The following DENND4A variants were observed in gnomAD, a reference collection of about 807,000 sequenced individuals.
DENND4A encodes the protein DENN domain containing 4A.
In DENND4A, 70 loss-of-function variants were observed where a neutral mutation model predicts 199.3. That is an observed-to-expected ratio of 0.35 (90% CI 0.29 to 0.43). DENND4A has a LOEUF of 0.43. Ranked by LOEUF, DENND4A falls within the 20% of genes least tolerant of loss-of-function variation. DENND4A has a pLI of 1.00. For synonymous variants in DENND4A, 686 were observed against 766.9 expected (o/e 0.89, Z 1.74); for missense variants, 1,723 against 2,255.8 (o/e 0.76, Z 4.78).
chr15:65,709,817 T>G (rs2075191399), intron 14 of DENND4A, among the ~76,000 whole-genome samples: 1 of 150,292 alleles, frequency 6.7e-6, no homozygotes, highest in African/African-American at 2.4e-5. Context: ...TATGTTTTAA[T>G]GCATTAATTT....
intron 7 of DENND4A, among the ~76,000 whole-genome samples, chr15:65,733,102 T>C (rs2076009296): frequency 6.6e-6 from 1 of 152,242 alleles, no homozygotes; most frequent in South Asian, 2.1e-4. Flanking sequence ...GTATGCAATA[T>C]ATCAGTGATG....
intron 4 of DENND4A, among the ~76,000 whole-genome samples, chr15:65,749,248 C>A (rs531947744): frequency 1.3e-5 from 2 of 152,260 alleles, no homozygotes; most frequent in Non-Finnish European, 2.9e-5. Flanking sequence ...GAGTTTGGTT[C>A]TGGAGTTCTG....
intron 16 of DENND4A, 41 bp downstream of exon 16, chr15:65,702,832 T>C (rs1235315772): frequency 6.4e-7 from 1 of 1,558,810 alleles, no homozygotes; most frequent in African/African-American, 1.4e-5. Flanking sequence ...AATTTATTTC[T>C]TGTTCTAAAA....
intron 1 of DENND4A, among the ~76,000 whole-genome samples, chr15:65,767,665 G>C (rs984118157): frequency 2.0e-5 from 3 of 152,128 alleles, no homozygotes; most frequent in Non-Finnish European, 4.4e-5. Context: ...GGGATGGTCA[G>C]AAGTAAAAGA....
intron 1 of DENND4A, among the ~76,000 whole-genome samples, chr15:65,770,398 C>T (rs1278272657): frequency 6.6e-6 from 1 of 152,134 alleles, no homozygotes; most frequent in African/African-American, 2.4e-5. Context: ...AATGACATAA[C>T]TGCACTTTAC....
At chr15:65,677,364 C>T (rs965495053) in intron 23 of DENND4A, among the ~76,000 whole-genome samples, 4 of 152,214 alleles carry the variant, frequency 2.6e-5, no homozygotes, top group East Asian at 1.9e-4. Flanking sequence ...TGTGCACCAC[C>T]GTGCCTGGCT....
chr15:65,706,243 C>T lies in DENND4A; in HGVS notation c.1954-19G>A. ...TATCCACCTAAAGGAGTTTTAAAAA[C>T]ATATATTAAAAAAGCCACATTGGTT... On this transcript the variant is annotated intron_variant, in intron 14 of 32. Coordinates refer to ENST00000443035, the MANE Select transcript of DENND4A (RefSeq NM_001320835.1). 1.4e-6 allele frequency: 2 copies of T among 1,472,260 alleles called. No individual in the cohort carries two copies. The highest frequency in any genetic ancestry group is 2.9e-5 in the South Asian group (2 of 70,030). The allele number at this position is 1,472,260 out of a possible 1,614,324, so 91.2% of individuals were successfully genotyped here.
In DENND4A at chr15:65,701,069, A is replaced by G. The variant is rs772264093; in HGVS notation, c.2683T>C (p.Ser895Pro). The change falls in exon 19 of 33, where the codon TCA becomes CCA. Residue 895 changes from serine (S) to proline (P), a missense_variant. Around this residue, in one of 6 missense-constraint regions of DENND4A, gnomAD observed 650 missense variants for 738.1 expected, o/e 0.88. Coordinates refer to ENST00000443035, the MANE Select transcript of DENND4A (RefSeq NM_001320835.1). ...KRALKKHAHL[S>P]QTTLSADGSD... ...CCCTTACCTGAGAGAGTTGTTTGTG[A>G]TAAGTGTGCATGCTTCTTTAAAGCT... The G allele has an allele frequency of 2.4e-5, 38 of 1,607,154 alleles. 1 individual carries two copies. The highest frequency in any genetic ancestry group is 4.5e-5 in the South Asian group (4 of 88,840).
intron 2 of DENND4A, among the ~76,000 whole-genome samples, chr15:65,758,193 T>C (rs1240596087): frequency 1.3e-5 from 2 of 152,128 alleles, no homozygotes; most frequent in Admixed American, 1.3e-4. Flanking sequence ...ATAATAAAAG[T>C]AGGTAAGAGA....
chr15:65,709,434 G>A (rs1263659287), intron 14 of DENND4A, among the ~76,000 whole-genome samples: 1 of 151,928 alleles, frequency 6.6e-6, no homozygotes, highest in Non-Finnish European at 1.5e-5. Flanking sequence ...AGCCGGGCAC[G>A]GCGGCTCATG....
At chr15:65,703,819 GACAACATAGTGAAACTTC>G (rs1191141824) in intron 15 of DENND4A, among the ~76,000 whole-genome samples, 1 of 152,180 alleles carries the variant, frequency 6.6e-6, no homozygotes, top group Non-Finnish European at 1.5e-5. Context: ...CTCTAGCCTG[GACAACATAGTGAAACTTC>G]ATTAATAAAT....
chr15:65,707,780 G>A (rs1279459468), intron 14 of DENND4A, among the ~76,000 whole-genome samples: 1 of 151,610 alleles, frequency 6.6e-6, no homozygotes, highest in African/African-American at 2.4e-5. Context: ...CCGCCTCCCA[G>A]GTTCAAGCAA....
rs1228919956 is a variant in DENND4A at position 65,775,903 on chromosome 15, C to CGGAAA, written c.-101-14466_-101-14465insTTTCC. On this transcript the variant is annotated intron_variant, in intron 1 of 32. Coordinates refer to ENST00000443035, the MANE Select transcript of DENND4A (RefSeq NM_001320835.1). ...TCATACTGAACCATTTACAGTTTCC[C>CGGAAA]CCTTTACACAACTCCATGCCACCTT... Among the ~76,000 whole-genome samples the CGGAAA allele has an allele frequency of 2.6e-5, 4 of 152,044 alleles. No individual in the cohort carries two copies. In the East Asian group the frequency reaches 7.7e-4, roughly 29 times the overall value.
intron 22 of DENND4A, among the ~76,000 whole-genome samples, chr15:65,692,098 C>T (rs543400620): frequency 6.6e-6 from 1 of 151,378 alleles, no homozygotes; most frequent in East Asian, 1.9e-4. Context: ...CCACCATGCC[C>T]AGCCAAAATT....
chr15:65,699,988 A>G (rs898649718), intron 20 of DENND4A, among the ~76,000 whole-genome samples: 2 of 151,840 alleles, frequency 1.3e-5, no homozygotes, highest in African/African-American at 4.8e-5. Context: ...TTAAAATGCT[A>G]TATTTTTATA....
rs780824141 is a variant in DENND4A, at chr15:65,756,315, T to C, written c.136A>G (p.Thr46Ala). 3.8e-5 allele frequency: 62 copies of C among 1,613,698 alleles called. No homozygotes were observed. The highest frequency in any genetic ancestry group is 2.5e-4 in the Admixed American group (15 of 59,964). ...GATTTGATAATAACTGAAACATCTGTAATAGGTTCTTTTGGTTTAGCTACT... is the reference window on the plus strand; with the variant it reads ...GATTTGATAATAACTGAAACATCTGCAATAGGTTCTTTTGGTTTAGCTACT... ...HKVAKPKEPI[T>A]DVSVIIKSLG... is the part of the protein sequence containing the mutation. The change falls in exon 3 of 33, where the codon ACA becomes GCA. Residue 46 changes from threonine to alanine, a missense_variant. This residue lies in a region of DENND4A where 725 missense variants were observed against 952.9 expected (regional missense o/e 0.76). Transcript: ENST00000443035.
At position 65,775,379 on chromosome 15, in the gene DENND4A, G is replaced by A. The variant is rs575643145; in HGVS notation, c.-101-13941C>T. 3.3e-3 allele frequency among the ~76,000 whole-genome samples: 493 copies of A among 151,018 alleles called. 30 individuals are homozygous for A. In the South Asian group the frequency reaches 0.1, roughly 31 times the overall value. On this transcript the variant is annotated intron_variant, in intron 1 of 32. Coordinates refer to ENST00000443035, the MANE Select transcript of DENND4A (RefSeq NM_001320835.1). ...AAGAAAAGAAGTCACGGTGGCTCAC[G>A]TCTGTAATCCCAGCACTTTGGGAGG...
At chr15:65,709,708 AAAAAAAAAAAAAT>A (rs2075175138) in intron 14 of DENND4A, among the ~76,000 whole-genome samples, 1 of 126,354 alleles carries the variant, frequency 7.9e-6, no homozygotes, top group African/African-American at 2.9e-5. Context: ...AAAAAAAAAA[AAAAAAAAAAAAAT>A]ATATATATAT....
At chr15:65,743,051 AT>A in intron 4 of DENND4A, among the ~76,000 whole-genome samples, 1 of 152,300 alleles carries the variant, frequency 6.6e-6, no homozygotes, top group East Asian at 1.9e-4. Flanking sequence ...ATTTAACGTG[AT>A]TTGTACAACT....
Sources: allele counts gnomAD v4.1 joint callset (sites outside exome capture counted in the v4.1 genomes callset), GRCh38; gene constraint gnomAD v4.1.1; regional missense constraint gnomAD v4.1.1; transcripts MANE v1.5; gene names NCBI Gene and HGNC (gene_info 2026-07-23, HGNC 2026-07-21).